Variants in MICAL2 observed in about 807,000 individuals in gnomAD.
MICAL2 encodes the protein [F-actin]-monooxygenase MICAL2.
A neutral mutation model predicts 127.3 loss-of-function variants in MICAL2; 77 were observed. The ratio of observed to expected loss-of-function variants is 0.60; its 90% CI spans 0.50 to 0.73. The LOEUF is 0.73. Ranked by LOEUF, MICAL2 falls within the 30% of genes least tolerant of loss-of-function variation. MICAL2 has a pLI of 0.00. For missense variants in MICAL2, 1,351 were observed against 1,434.4 expected, an observed-to-expected ratio of 0.94 and a Z score of 0.94; for synonymous variants, 570 against 551.1, an observed-to-expected ratio of 1.03 and a Z score of -0.48.
downstream of MICAL2, among the ~76,000 whole-genome samples, chr11:12,360,900 T>C (rs1348865648): frequency 1.3e-5 from 2 of 152,130 alleles, no homozygotes; most frequent in African/African-American, 2.4e-5. Flanking sequence ...ACATTTCCAA[T>C]GGACACAAAT....
At chr11:12,111,269 TGGGGTCGTG>T (rs1369218281) in intron 1 of MICAL2, among the ~76,000 whole-genome samples, 1 of 151,998 alleles carries the variant, frequency 6.6e-6, no homozygotes, top group Non-Finnish European at 1.5e-5. Context: ...CCAGTCGGGA[TGGGGTCGTG>T]GCAGTGGTCC....
At chr11:12,209,416 C>A in intron 5 of MICAL2, 81 bp from the exon 6 acceptor site, 1 of 1,149,860 alleles carries the variant, frequency 8.7e-7, no homozygotes, top group Non-Finnish European at 1.3e-6. Context: ...CTGTCCATTT[C>A]TCATAGCCAC....
chr11:12,242,233 C>T lies in MICAL2; in HGVS notation c.2357C>T (p.Thr786Met), dbSNP rs200663760. ...TCCCAGTTCCCCTCTGTGGTCGTGA[C>T]GGGGCACGTGCTCAGAGAGCTCAAG... is the stretch of plus-strand genomic sequence containing the variant. ...LKRQFPSVVV[T>M]GHVLRELKQV... The change falls in exon 19 of 28, where the codon ACG (threonine) becomes ATG (methionine). Residue 786 changes from threonine (T) to methionine (M), a missense_variant. Transcript: ENST00000683283. The T allele has an allele frequency of 4.4e-5, 70 of 1,608,020 alleles. No homozygotes were observed. The highest frequency in any genetic ancestry group is 6.7e-5 in the Admixed American group (4 of 59,672).
At chr11:12,161,379 G>A (rs1854768129) in intron 2 of MICAL2, 1 of 152,126 alleles carries the variant, frequency 6.6e-6, no homozygotes, top group African/African-American at 2.4e-5. Flanking sequence ...CAAAGCACAG[G>A]CCCCCTTTGC....
intron 18 of MICAL2, 64 bp downstream of exon 18, chr11:12,241,226 G>A: frequency 6.4e-7 from 1 of 1,557,044 alleles, no homozygotes; most frequent in Non-Finnish European, 8.7e-7. Flanking sequence ...CCAGATGGGT[G>A]GGGTCAGTGG....
At chr11:12,112,475 T>C (rs1391027086) in intron 1 of MICAL2, among the ~76,000 whole-genome samples, 4 of 151,746 alleles carry the variant, frequency 2.6e-5, no homozygotes, top group Non-Finnish European at 1.5e-5. Context: ...TGGCTTCTGG[T>C]ATAGTCTAGG....
chr11:12,330,457 A>T (rs1395224793), intron 32 of MICAL2, among the ~76,000 whole-genome samples: 1 of 152,158 alleles, frequency 6.6e-6, no homozygotes, highest in Non-Finnish European at 1.5e-5. Flanking sequence ...GTAGTCTGCG[A>T]CAGTTATGCA....
intron 2 of MICAL2, among the ~76,000 whole-genome samples, chr11:12,157,133 T>C (rs756020576): frequency 1.3e-5 from 2 of 152,202 alleles, no homozygotes; most frequent in Non-Finnish European, 2.9e-5. Context: ...TCCACCCCCA[T>C]ATCTCCTTAA....
At chr11:12,358,262 T>A in intron 34 of MICAL2, 1 of 1,605,340 alleles carries the variant, frequency 6.2e-7, no homozygotes, top group Non-Finnish European at 8.5e-7. Flanking sequence ...CCCAATCTTC[T>A]CTGAGCCCAG....
chr11:12,286,924 G>A (rs768276104), intron 2 of MICAL2: 111 of 389,516 alleles, frequency 2.8e-4, no homozygotes, highest in Non-Finnish European at 4.6e-4. Flanking sequence ...GTGTTGTGGG[G>A]ACAGCAGTAT....
At chr11:12,192,554 A>G (rs1859335957) in intron 3 of MICAL2, among the ~76,000 whole-genome samples, 1 of 152,112 alleles carries the variant, frequency 6.6e-6, no homozygotes, top group South Asian at 2.1e-4. Flanking sequence ...CGGGCGGGTG[A>G]ATCACTTGAA....
chr11:12,286,284 G>A (rs79036641), intron 2 of MICAL2, among the ~76,000 whole-genome samples: 5,530 of 152,222 alleles, frequency 0.036, 353 homozygotes, highest in African/African-American at 0.13. Context: ...GTGGGGAAAG[G>A]GGAGGCAGAG....
chr11:12,294,637 C>CA, downstream of MICAL2: 1 of 1,614,194 alleles, frequency 6.2e-7, no homozygotes, highest in Non-Finnish European at 8.5e-7. Context: ...CCCTCAGACT[C>CA]AAAGACAAAT....
At chr11:12,122,190 G>A (rs1850560244) in intron 1 of MICAL2, among the ~76,000 whole-genome samples, 1 of 152,220 alleles carries the variant, frequency 6.6e-6, no homozygotes, top group Non-Finnish European at 1.5e-5. Context: ...TGGGAGTGAT[G>A]CTACTTACCT....
chr11:12,340,746 T>C lies in MICAL2; in HGVS notation c.5516-9092T>C, dbSNP rs76164580. 2.6e-3 allele frequency among the ~76,000 whole-genome samples: 397 copies of C among 152,266 alleles called. 13 individuals are homozygous for C. The East Asian group carries it at 0.06, about 23-fold the overall frequency. On this transcript the variant is annotated intron_variant, in intron 32 of 34. Transcript: ENST00000646065. ...CATGGATGCATTTTTACAACATAATTTTGAATTTAAAACAAGCAAGTTATG... is the reference window on the plus strand; with the variant it reads ...CATGGATGCATTTTTACAACATAATCTTGAATTTAAAACAAGCAAGTTATG...
At chr11:12,248,856 C>G (rs1350572317) in intron 21 of MICAL2, among the ~76,000 whole-genome samples, 5 of 146,172 alleles carry the variant, frequency 3.4e-5, no homozygotes. Flanking sequence ...TTGGAGGTCT[C>G]CTGTGTGCAT....
rs755514679 is a variant in MICAL2 at position 12,213,312 on chromosome 11, T to C, written c.749T>C (p.Ile250Thr). ...KLAIAITANFINRNSTAEAKV... is the reference protein window; with the variant it reads ...KLAIAITANFTNRNSTAEAKV... ...GCGATTGCCATCACCGCCAACTTCA[T>C]AAACAGAAACAGCACAGCGGAAGCC... The change falls in exon 7 of 28, where the codon ATA (isoleucine) becomes ACA (threonine). Residue 250 changes from isoleucine to threonine, a missense_variant. Ile to Thr is a moderately conservative substitution (Grantham distance 89). This residue lies in a region of MICAL2 where 599 missense variants were observed against 714.9 expected (regional missense o/e 0.84). Transcript: ENST00000683283. 2 of 1,613,750 alleles carry C rather than the reference T, an allele frequency of 1.2e-6. No homozygotes were observed. The highest frequency in any genetic ancestry group is 1.7e-6 in the Non-Finnish European group (2 of 1,179,742).
intron 3 of MICAL2, among the ~76,000 whole-genome samples, chr11:12,190,879 A>T (rs1218868066): frequency 3.3e-5 from 5 of 152,258 alleles, no homozygotes; most frequent in Non-Finnish European, 2.9e-5. Context: ...CTACCTTATA[A>T]GTTAGTTTAT....
chr11:12,127,676 A>G (rs1194855210), intron 1 of MICAL2, among the ~76,000 whole-genome samples: 1 of 152,152 alleles, frequency 6.6e-6, no homozygotes, highest in East Asian at 1.9e-4. Flanking sequence ...CCCACAGTTG[A>G]TCCTCTTCGA....
Sources: gnomAD v4.1 joint callset for allele counts (sites outside exome capture counted in the v4.1 genomes callset) on GRCh38, gnomAD v4.1.1 for gene constraint, gnomAD v4.1.1 regional missense constraint, MANE v1.5 for transcripts, NCBI Gene and HGNC (gene_info 2026-07-23, HGNC 2026-07-21) for gene names.